Variants in PCDH9 observed in about 807,000 individuals in gnomAD.
PCDH9 encodes the protein protocadherin-9.
In PCDH9, 24 loss-of-function variants were observed where a neutral mutation model predicts 70.6. The ratio of observed to expected loss-of-function variants is 0.34; its 90% confidence interval spans 0.25 to 0.48. PCDH9 has a LOEUF of 0.48. Ranked by LOEUF, PCDH9 falls within the 20% of genes least tolerant of loss-of-function variation. PCDH9 has a pLI of 0.99. For missense variants in PCDH9, 1,281 were observed against 1,503.6 expected (o/e 0.85, Z 2.45); for synonymous variants, 562 against 558.5 (o/e 1.01, Z -0.09).
intron 4 of PCDH9, among the ~76,000 whole-genome samples, chr13:66,616,560 C>A (rs1319276767): frequency 2.1e-5 from 3 of 141,030 alleles, no homozygotes; most frequent in Non-Finnish European, 4.5e-5. Flanking sequence ...CCAGCAATCT[C>A]TGGCTGCAGC....
intron 4 of PCDH9, among the ~76,000 whole-genome samples, chr13:66,364,139 G>A (rs1956516324): frequency 6.6e-6 from 1 of 151,786 alleles, no homozygotes; most frequent in African/African-American, 2.4e-5. Flanking sequence ...TGAGCGACAA[G>A]AGCAAACCTC....
At chr13:66,716,965 C>G (rs908548059) in intron 3 of PCDH9, among the ~76,000 whole-genome samples, 1 of 152,086 alleles carries the variant, frequency 6.6e-6, no homozygotes, top group African/African-American at 2.4e-5. Flanking sequence ...TCAGAAAACC[C>G]AGATCTGTTC....
At chr13:66,523,672 G>A (rs1960093839) in intron 4 of PCDH9, among the ~76,000 whole-genome samples, 1 of 151,802 alleles carries the variant, frequency 6.6e-6, no homozygotes, top group Admixed American at 6.6e-5. Context: ...GGGGGAGGGT[G>A]GAGTGTAGCA....
At chr13:66,695,119 G>A (rs1361987642) in intron 3 of PCDH9, among the ~76,000 whole-genome samples, 1 of 152,084 alleles carries the variant, frequency 6.6e-6, no homozygotes, top group African/African-American at 2.4e-5. Flanking sequence ...TAGCCAGGAT[G>A]GTCTCGCTCT....
chr13:66,874,160 A>C (rs1326623236), intron 3 of PCDH9, among the ~76,000 whole-genome samples: 1 of 151,826 alleles, frequency 6.6e-6, no homozygotes, highest in Non-Finnish European at 1.5e-5. Context: ...CTTAATATAC[A>C]TCCTGAGCAT....
chr13:67,048,451 G>A (rs552759318), intron 2 of PCDH9, among the ~76,000 whole-genome samples: 8 of 152,278 alleles, frequency 5.3e-5, no homozygotes, highest in East Asian at 3.9e-4. Context: ...AGGCCATGCC[G>A]CTGAAAGCAG....
intron 2 of PCDH9, among the ~76,000 whole-genome samples, chr13:67,082,298 T>G (rs1395678580): frequency 6.6e-6 from 1 of 152,206 alleles, no homozygotes; most frequent in African/African-American, 2.4e-5. Context: ...TCTGCTTTTA[T>G]GAATTCGACT....
chr13:66,984,422 TG>T (rs978313722), intron 2 of PCDH9, among the ~76,000 whole-genome samples: 11 of 152,308 alleles, frequency 7.2e-5, no homozygotes, highest in African/African-American at 2.6e-4. Flanking sequence ...GATTTGCATG[TG>T]TTGCAATAGA....
At chr13:66,370,625 A>G (rs1956632724) in intron 4 of PCDH9, among the ~76,000 whole-genome samples, 1 of 150,222 alleles carries the variant, frequency 6.7e-6, no homozygotes, top group Non-Finnish European at 1.5e-5. Flanking sequence ...ATCCTCCCGT[A>G]TCAGCCTCTT....
chr13:66,442,844 A>G (rs1958001192), intron 4 of PCDH9, among the ~76,000 whole-genome samples: 1 of 152,202 alleles, frequency 6.6e-6, no homozygotes, highest in African/African-American at 2.4e-5. Flanking sequence ...AGGTTTAGTC[A>G]TTGACAAAAA....
chr13:66,948,379 C>T (rs574247235), intron 2 of PCDH9, among the ~76,000 whole-genome samples: 1 of 152,122 alleles, frequency 6.6e-6, no homozygotes, highest in South Asian at 2.1e-4. Context: ...AACTTGTTTG[C>T]TAAATGAGCT....
intron 3 of PCDH9, among the ~76,000 whole-genome samples, chr13:66,804,020 C>A (rs9317615): frequency 6.6e-6 from 1 of 151,876 alleles, no homozygotes; most frequent in Non-Finnish European, 1.5e-5. Context: ...TGCTGAGTGA[C>A]CACACATGAT....
intron 2 of PCDH9, among the ~76,000 whole-genome samples, chr13:67,052,308 T>C (rs942500591): frequency 1.3e-5 from 2 of 151,082 alleles, no homozygotes; most frequent in African/African-American, 4.9e-5. Flanking sequence ...TAATAAGGGG[T>C]TAGGGAAAGG....
Position 66,956,706 on chromosome 13 carries a change from C to CA in PCDH9, c.3037-53102dup, listed in dbSNP as rs565445079. Among the ~76,000 whole-genome samples, 41 of 152,304 alleles carry CA rather than the reference C, an allele frequency of 2.7e-4. 1 individual carries two copies. The East Asian group carries it at 7.1e-3, about 27-fold the overall frequency. ...TGGAGGTTGCAGTGAGCTGAGATGG[C>CA]ACCACTGCACTCCAGGCTGGGCAGC... On this transcript the variant is annotated intron_variant, in intron 2 of 4. Coordinates refer to ENST00000377865, the MANE Select transcript of PCDH9 (RefSeq NM_203487.3).
intron 2 of PCDH9, among the ~76,000 whole-genome samples, chr13:66,940,466 T>C (rs895894509): frequency 2.0e-5 from 3 of 151,968 alleles, no homozygotes; most frequent in Admixed American, 1.3e-4. Flanking sequence ...AAACAGCATA[T>C]AAAAAAAAGT....
intron 4 of PCDH9, among the ~76,000 whole-genome samples, chr13:66,472,731 C>T (rs1958644097): frequency 6.6e-6 from 1 of 152,056 alleles, no homozygotes; most frequent in Admixed American, 6.6e-5. Context: ...GAGTTTTGTA[C>T]ATGAGTTTTA....
chr13:67,030,547 A>G (rs1402175216), intron 2 of PCDH9, among the ~76,000 whole-genome samples: 1 of 150,596 alleles, frequency 6.6e-6, no homozygotes, highest in Non-Finnish European at 1.5e-5. Context: ...TCCACTCTCT[A>G]CCTTTGTAAG....
intron 4 of PCDH9, among the ~76,000 whole-genome samples, chr13:66,626,444 CAA>C (rs946347146): frequency 1.3e-5 from 2 of 152,162 alleles, no homozygotes; most frequent in Non-Finnish European, 2.9e-5. Flanking sequence ...AGCAATTTCC[CAA>C]AGAGTCCAGG....
chr13:67,205,007 G>A lies in PCDH9; in HGVS notation c.3036+20398C>T, dbSNP rs556191587. On this transcript the variant is annotated intron_variant, in intron 2 of 4. Transcript: ENST00000377865. ...TTAAATATGAGTTCCATTGAAAAGA[G>A]TATCTATTAAAAAATGCTTCTCTAA... The A allele has an allele frequency of 2.0e-5, 3 of 152,254 alleles. No individual in the cohort carries two copies. In the East Asian group the frequency reaches 5.8e-4, roughly 29 times the overall value. The allele number at this position is 152,254 out of a possible 1,614,324, so 9.4% of individuals were successfully genotyped here.
Sources: allele counts gnomAD v4.1 joint callset (sites outside exome capture counted in the v4.1 genomes callset), GRCh38; gene constraint gnomAD v4.1.1; transcripts MANE v1.5; gene names NCBI Gene and HGNC (gene_info 2026-07-23, HGNC 2026-07-21).